The following PDPN variants were observed in gnomAD, a reference collection of about 807,000 sequenced individuals.
PDPN encodes podoplanin.
PDPN carries 12 observed loss-of-function variants against 23.2 expected under a neutral mutation model. The observed-to-expected ratio is 0.52, with a 90% confidence interval of 0.33 to 0.84. The LOEUF is 0.84. PDPN is among the 40% of genes least tolerant of loss of function. The probability of loss-of-function intolerance (pLI) is 0.02; values close to 1 mark genes in which losing one functional copy is unlikely to be tolerated. For missense variants in PDPN, 199 were observed against 212.2 expected (o/e 0.94, Z 0.39); for synonymous variants, 77 against 76.7 (o/e 1.00, Z -0.02).
intron 1 of PDPN, among the ~76,000 whole-genome samples, chr1:13,605,647 G>C (rs963049664): frequency 9.2e-5 from 14 of 151,902 alleles, no homozygotes; most frequent in Admixed American, 8.5e-4. Context: ...TCTTTGAGAC[G>C]GAGTCCTGCT....
At position 13,596,647 on chromosome 1, in the gene PDPN, G is replaced by A. The variant is rs1640504857; in HGVS notation, c.68-10526G>A. On this transcript the variant is annotated intron_variant, in intron 1 of 5. Coordinates refer to ENST00000621990, the MANE Select transcript of PDPN (RefSeq NM_006474.5). ...AGTGGTTGCATCAATATTCAGACGA[G>A]GTCAGGCGTGTTCAGAGTGGTGTGG... is the stretch of plus-strand genomic sequence containing the variant. Among the ~76,000 whole-genome samples, 3 of 152,196 alleles carry A rather than the reference G, an allele frequency of 2.0e-5. No individual in the cohort carries two copies. In the South Asian group the frequency reaches 6.2e-4, roughly 31 times the overall value.
chr1:13,611,657 A>G (rs949815151), intron 3 of PDPN, among the ~76,000 whole-genome samples: 8 of 152,152 alleles, frequency 5.3e-5, no homozygotes, highest in African/African-American at 1.9e-4. Flanking sequence ...GATGGTGGTG[A>G]TGATTGAACA....
intron 1 of PDPN, among the ~76,000 whole-genome samples, chr1:13,602,827 G>A (rs942195331): frequency 2.6e-5 from 4 of 151,704 alleles, no homozygotes; most frequent in African/African-American, 4.8e-5. Context: ...CTCAGCCTCC[G>A]AAAGTGCTGG....
intron 1 of PDPN, among the ~76,000 whole-genome samples, chr1:13,603,789 A>G (rs918607742): frequency 2.0e-5 from 3 of 152,122 alleles, no homozygotes; most frequent in Non-Finnish European, 4.4e-5. Context: ...GGGTTTCACC[A>G]TCTTGGCCAG....
intron 1 of PDPN, among the ~76,000 whole-genome samples, chr1:13,592,981 A>C (rs1301654428): frequency 1.3e-5 from 2 of 152,198 alleles, no homozygotes; most frequent in Non-Finnish European, 2.9e-5. Flanking sequence ...CACCGTCTTG[A>C]TTACTGCAGC....
At chr1:13,602,010 T>C (rs1160101179) in intron 1 of PDPN, among the ~76,000 whole-genome samples, 2 of 144,154 alleles carry the variant, frequency 1.4e-5, no homozygotes, top group Non-Finnish European at 3.0e-5. Flanking sequence ...GGGTGGCTCA[T>C]GCCTTTGGGT....
At chr1:13,584,302 G>T in intron 1 of PDPN, 1 of 1,515,358 alleles carries the variant, frequency 6.6e-7, no homozygotes, top group Non-Finnish European at 8.8e-7. Flanking sequence ...GCAGCTGCGC[G>T]GGTGTGCCGG....
intron 1 of PDPN, among the ~76,000 whole-genome samples, chr1:13,606,741 G>A (rs1383828417): frequency 5.9e-5 from 9 of 152,182 alleles, no homozygotes; most frequent in African/African-American, 2.2e-4. Flanking sequence ...CTTTTGCATC[G>A]GGTCTGCAAA....
chr1:13,615,819 A>G, intron 5 of PDPN, 86 bp from the exon 6 acceptor site: 1 of 1,224,544 alleles, frequency 8.2e-7, no homozygotes, highest in Admixed American at 1.7e-5. Context: ...GATTTAGAGC[A>G]AAGGACAATA....
chr1:13,591,526 A>G (rs763271161), intron 1 of PDPN, among the ~76,000 whole-genome samples: 115 of 152,136 alleles, frequency 7.6e-4, no homozygotes, highest in Non-Finnish European at 1.4e-3. Context: ...TCCTCCCCCT[A>G]GACCCTGACC....
At chr1:13,599,697 C>A (rs1055310186) in intron 1 of PDPN, among the ~76,000 whole-genome samples, 1 of 152,014 alleles carries the variant, frequency 6.6e-6, no homozygotes, top group African/African-American at 2.4e-5. Context: ...TTTATGGTGA[C>A]CCCACCCCAC....
chr1:13,593,187 T>A (rs1357716513), intron 1 of PDPN, among the ~76,000 whole-genome samples: 1 of 152,120 alleles, frequency 6.6e-6, no homozygotes, highest in African/African-American at 2.4e-5. Flanking sequence ...GATAGACACA[T>A]AGGAATGACA....
In PDPN at chr1:13,596,963, C is replaced by G. The variant is rs191554642; in HGVS notation, c.68-10210C>G. Among the ~76,000 whole-genome samples, 13 of 152,188 alleles carry G rather than the reference C, an allele frequency of 8.5e-5. 1 individual carries two copies. The highest frequency in any genetic ancestry group is 7.2e-4 in the Admixed American group (11 of 15,270). On this transcript the variant is annotated intron_variant, in intron 1 of 5. Transcript: ENST00000621990. ...GCTGGAAAATGTTGGAGGTTGGCAC[C>G]TTTCTACTGTTCGGGGTGTGTTTAT...
At chr1:13,595,385 T>A (rs1640466762) in intron 1 of PDPN, among the ~76,000 whole-genome samples, 1 of 152,138 alleles carries the variant, frequency 6.6e-6, no homozygotes, top group Non-Finnish European at 1.5e-5. Context: ...CCAGTTCAGC[T>A]GCAGAAACCC....
chr1:13,586,639 A>G (rs1034092029), intron 1 of PDPN, among the ~76,000 whole-genome samples: 1 of 152,008 alleles, frequency 6.6e-6, no homozygotes, highest in Non-Finnish European at 1.5e-5. Flanking sequence ...ATTGCTAGCT[A>G]CTTCTTTCAA....
chr1:13,601,712 G>A (rs946815951), intron 1 of PDPN, among the ~76,000 whole-genome samples: 1 of 152,210 alleles, frequency 6.6e-6, no homozygotes. Flanking sequence ...TTTTGAAGCA[G>A]TGGGGAAAAG....
At chr1:13,589,628 C>T (rs1038127426) in intron 1 of PDPN, among the ~76,000 whole-genome samples, 4 of 152,156 alleles carry the variant, frequency 2.6e-5, no homozygotes, top group Non-Finnish European at 5.9e-5. Flanking sequence ...CACACACAGA[C>T]ACGGAGCTTG....
At chr1:13,584,133 G>A (rs367551277) in intron 1 of PDPN, 33 bp downstream of exon 1, 2 of 1,606,940 alleles carry the variant, frequency 1.2e-6, no homozygotes, top group Non-Finnish European at 1.7e-6. Flanking sequence ...TCCTGCCGTC[G>A]CTGATGGGGA....
chr1:13,595,228 A>G (rs564570339), intron 1 of PDPN, among the ~76,000 whole-genome samples: 4 of 152,308 alleles, frequency 2.6e-5, no homozygotes, highest in South Asian at 2.1e-4. Context: ...TACCTGTATT[A>G]TGTCATAAGG....
Sources: gnomAD v4.1 joint callset for allele counts (sites outside exome capture counted in the v4.1 genomes callset) on GRCh38, gnomAD v4.1.1 for gene constraint, MANE v1.5 for transcripts, NCBI Gene and HGNC (gene_info 2026-07-23, HGNC 2026-07-21) for gene names.